The following EMC7 variants were observed in gnomAD, a reference collection of about 807,000 sequenced individuals.
EMC7 encodes the protein endoplasmic reticulum membrane protein complex subunit 7.
In EMC7, 4 loss-of-function variants were observed where a neutral mutation model predicts 24.4. The ratio of observed to expected loss-of-function variants is 0.16; its 90% CI spans 0.08 to 0.38. The LOEUF is 0.38. Among genes scored for constraint, EMC7 ranks in the 10% least tolerant of loss-of-function variants. The probability of loss-of-function intolerance (pLI) is 1.00; values close to 1 mark genes in which losing one functional copy is unlikely to be tolerated. For missense variants in EMC7, 221 were observed against 300.6 expected (o/e 0.74, Z 1.96); for synonymous variants, 106 against 112.0 (o/e 0.95, Z 0.34).
At position 34,086,333 on chromosome 15, in the gene EMC7, G is replaced by T. The variant is rs1469276208; in HGVS notation, c.576+1720C>A. ...CAGCCATGATGCCAAGTAGGAGATG[G>T]TGCCACCTCTGCAGGCAGTGCCAAG... On this transcript the variant is annotated intron_variant, in intron 4 of 4. Coordinates refer to ENST00000256545, the MANE Select transcript of EMC7 (RefSeq NM_020154.3). 5 of 234,644 alleles carry T rather than the reference G, an allele frequency of 2.1e-5. No individual in the cohort carries two copies. The East Asian group carries it at 4.3e-4, about 20-fold the overall frequency. 14.5% of individuals were successfully genotyped at this position (234,644 alleles called of 1,614,324 possible).
intron 2 of EMC7, among the ~76,000 whole-genome samples, chr15:34,093,238 A>G (rs1901006486): frequency 6.6e-6 from 1 of 152,036 alleles, no homozygotes; most frequent in Admixed American, 6.6e-5. Flanking sequence ...AAGAGATCGA[A>G]ACCATCCTGG....
rs755834337 is a variant in EMC7 at position 34,084,169 on chromosome 15, G to C, written c.*165C>G. On this transcript the variant is annotated 3_prime_UTR_variant, in exon 5 of 5. Coordinates refer to ENST00000256545, the MANE Select transcript of EMC7 (RefSeq NM_020154.3). ...CAAAAGATGAAAGCTGGGTTTTCTC[G>C]TGTACCAAGTACAAAACATGTGCTA... 2 of 791,944 alleles carry C rather than the reference G, an allele frequency of 2.5e-6. No homozygotes were observed. The highest frequency in any genetic ancestry group is 3.8e-6 in the Non-Finnish European group (2 of 527,178). The allele number at this position is 791,944 out of a possible 1,614,324, so 49.1% of individuals were successfully genotyped here. A position where few individuals can be genotyped will look rare whatever the true frequency, so the allele number is the denominator to read the frequency against.
At chr15:34,096,257 G>A (rs987934481) in intron 1 of EMC7, among the ~76,000 whole-genome samples, 4 of 152,180 alleles carry the variant, frequency 2.6e-5, no homozygotes, top group Non-Finnish European at 2.9e-5. Context: ...TGCAACTTCC[G>A]CCTCCTGGGT....
chr15:34,090,594 TC>T, intron 2 of EMC7, 139 bp from the exon 3 acceptor site: 1 of 961,472 alleles, frequency 1.0e-6, no homozygotes, highest in Non-Finnish European at 1.4e-6. Context: ...AAACTTTTGA[TC>T]TTGAAAATCT....
At chr15:34,096,132 C>T in intron 1 of EMC7, 118 bp from the exon 2 acceptor site, 2 of 1,188,898 alleles carry the variant, frequency 1.7e-6, no homozygotes, top group Non-Finnish European at 1.1e-6. Context: ...GGCAAACAAA[C>T]AAACAAAACC....
Position 34,088,037 on chromosome 15 carries a change from T to A in EMC7, c.576+16A>T. 2 of 1,593,508 alleles carry A rather than the reference T, an allele frequency of 1.3e-6. No individual in the cohort carries two copies. The highest frequency in any genetic ancestry group is 8.5e-7 in the Non-Finnish European group (1 of 1,173,446). ...TCTTAAAAAAAAAAAAATCCATAGC[T>A]GGACCATCATCTTACCCGTCTCATG... On this transcript the variant is annotated intron_variant, in intron 4 of 4. Transcript: ENST00000256545.
At chr15:34,101,469 GCATAGA>G in intron 1 of EMC7, 129 bp downstream of exon 1, 1 of 908,686 alleles carries the variant, frequency 1.1e-6, no homozygotes, top group South Asian at 1.6e-5. Context: ...AGGTCTCCCG[GCATAGA>G]CCGTTAGCGG....
Position 34,097,814 on chromosome 15 carries a change from C to A in EMC7, c.237-1800G>T, listed in dbSNP as rs954498578. 2.6e-5 allele frequency among the ~76,000 whole-genome samples: 4 copies of A among 151,880 alleles called. No individual in the cohort carries two copies. In the South Asian group the frequency reaches 8.3e-4, roughly 32 times the overall value. ...TGAAACCCTGTCTCTACTAAAAATA[C>A]AAAAATTAGCTGGGTGTGGTGGCAT... On this transcript the variant is annotated intron_variant, in intron 1 of 4. Transcript: ENST00000256545.
In EMC7 at chr15:34,087,998, A is replaced by G. The variant is rs182138502; in HGVS notation, c.576+55T>C. The G allele has an allele frequency of 3.7e-4, 543 of 1,477,498 alleles. 3 individuals are homozygous for G. Among genetic ancestry groups the G allele is most frequent in the Non-Finnish European group, 2.2e-5 (24 of 1,082,082 alleles). 91.5% of individuals were successfully genotyped at this position (1,477,498 alleles called of 1,614,324 possible). On this transcript the variant is annotated intron_variant, in intron 4 of 4. Coordinates refer to ENST00000256545, the MANE Select transcript of EMC7 (RefSeq NM_020154.3). The stretch of plus-strand genomic sequence containing the variant: ...GTGCCACTGCATTCCAGCTTGAGCA[A>G]CAGAGGCTCTATCTCTTAAAAAAAA...
At chr15:34,100,729 T>G (rs1481395530) in intron 1 of EMC7, 1 of 152,228 alleles carries the variant, frequency 6.6e-6, no homozygotes, top group Admixed American at 6.5e-5. Flanking sequence ...TACCATTTGC[T>G]GGTGTACGAA....
At chr15:34,088,717 C>T (rs957966207) in intron 3 of EMC7, among the ~76,000 whole-genome samples, 2 of 152,076 alleles carry the variant, frequency 1.3e-5, no homozygotes, top group African/African-American at 4.8e-5. Context: ...AGTCTCCCCC[C>T]GCCTCTTTAT....
chr15:34,084,300 G>T lies in EMC7; in HGVS notation c.*34C>A. ...GACTTGGATGCCACCCAGTGTTGCC[G>T]TGTTTGTGCAAATGCCAGCTCTGGA... is the stretch of plus-strand genomic sequence containing the variant. On this transcript the variant is annotated 3_prime_UTR_variant, in exon 5 of 5. Coordinates refer to ENST00000256545, the MANE Select transcript of EMC7 (RefSeq NM_020154.3). 6.3e-7 allele frequency: 1 copy of T among 1,596,310 alleles called. No homozygotes were observed. The highest frequency in any genetic ancestry group is 8.6e-7 in the Non-Finnish European group (1 of 1,167,570).
At chr15:34,096,359 C>A (rs60203898) in intron 1 of EMC7, among the ~76,000 whole-genome samples, 1 of 151,854 alleles carries the variant, frequency 6.6e-6, no homozygotes, top group Non-Finnish European at 1.5e-5. Context: ...TTAGTAGAGA[C>A]GGGGTTTCAC....
At chr15:34,092,156 T>C (rs1900982261) in intron 2 of EMC7, among the ~76,000 whole-genome samples, 2 of 151,584 alleles carry the variant, frequency 1.3e-5, no homozygotes, top group Admixed American at 6.6e-5. Flanking sequence ...TCCCAGCTAC[T>C]TGGGAGGCTG....
chr15:34,085,289 G>A (rs1483669009), intron 4 of EMC7, among the ~76,000 whole-genome samples: 3 of 152,080 alleles, frequency 2.0e-5, no homozygotes, highest in Non-Finnish European at 4.4e-5. Context: ...GATAGGACTT[G>A]GCACTTTTGA....
intron 4 of EMC7, among the ~76,000 whole-genome samples, chr15:34,085,523 C>T (rs142807490): frequency 2.6e-5 from 4 of 150,948 alleles, no homozygotes; most frequent in African/African-American, 9.7e-5. Flanking sequence ...AGACAGTGCT[C>T]AGGTGATCTT....
chr15:34,099,642 G>A (rs1396000813), intron 1 of EMC7, among the ~76,000 whole-genome samples: 1 of 152,084 alleles, frequency 6.6e-6, no homozygotes, highest in African/African-American at 2.4e-5. Context: ...GTTTTGCTCT[G>A]TAGCCCAGGC....
intron 4 of EMC7, among the ~76,000 whole-genome samples, chr15:34,084,742 CTTT>C (rs11362896): frequency 1.4e-5 from 2 of 144,422 alleles, no homozygotes; most frequent in Middle Eastern, 3.3e-3. Context: ...TTCTGCTTGC[CTTT>C]TTTTTTTTTT....
chr15:34,098,455 T>G (rs1169942481), intron 1 of EMC7, among the ~76,000 whole-genome samples: 1 of 116,772 alleles, frequency 8.6e-6, no homozygotes, highest in African/African-American at 4.2e-5. Context: ...ATTTCTTTCT[T>G]TCTTTTTTTT....
Sources: gnomAD v4.1 joint callset for allele counts (sites outside exome capture counted in the v4.1 genomes callset) on GRCh38, gnomAD v4.1.1 for gene constraint, MANE v1.5 for transcripts, NCBI Gene and HGNC (gene_info 2026-07-23, HGNC 2026-07-21) for gene names.